ZNF827: variants seen among roughly 807,000 people sequenced by gnomAD.
The protein encoded by ZNF827 is zinc finger protein 827.
ZNF827 carries 13 observed loss-of-function variants against 102.4 expected under a neutral mutation model. That is an observed-to-expected ratio of 0.13 (90% CI 0.08 to 0.20). The LOEUF is 0.20. Ranked by LOEUF, ZNF827 falls within the 10% of genes least tolerant of loss-of-function variation. The pLI is 1.00. For synonymous variants in ZNF827, 523 were observed against 536.2 expected (o/e 0.98, Z 0.34); for missense variants, 1,103 against 1,344.4 (o/e 0.82, Z 2.81).
chr4:145,787,464 G>GAAAA (rs35041321), intron 8 of ZNF827, among the ~76,000 whole-genome samples: 1 of 83,214 alleles, frequency 1.2e-5, no homozygotes, highest in Non-Finnish European at 2.4e-5. Context: ...TCCGTCTCAG[G>GAAAA]AAAAAAAAAA....
chr4:145,765,830 C>A lies in ZNF827; in HGVS notation c.2861-92G>T. ...GGTGACGAGTTGAGTCTCATGGATGCATCATCATTCTGGGGGCACAGGCTC... is the reference window on the plus strand; with the variant it reads ...GGTGACGAGTTGAGTCTCATGGATGAATCATCATTCTGGGGGCACAGGCTC... On this transcript the variant is annotated intron_variant, in intron 11 of 14. Coordinates refer to ENST00000508784, the MANE Select transcript of ZNF827 (RefSeq NM_001306215.2). The surrounding 1 kb of genome is among the most constrained non-coding windows in gnomAD (Gnocchi z 4.7). The A allele has an allele frequency of 7.6e-7, 1 of 1,310,196 alleles. No homozygotes were observed. Among genetic ancestry groups the A allele is most frequent in the Non-Finnish European group, 1.0e-6 (1 of 954,794 alleles). The allele number at this position is 1,310,196 out of a possible 1,614,324, so 81.2% of individuals were successfully genotyped here.
intron 7 of ZNF827, among the ~76,000 whole-genome samples, chr4:145,843,462 A>AATC (rs1219246827): frequency 6.6e-6 from 1 of 152,184 alleles, no homozygotes; most frequent in Non-Finnish European, 1.5e-5. Flanking sequence ...TCTATCCTAT[A>AATC]ATCATGCTTC....
At chr4:145,929,506 AG>A (rs1419597141) in intron 1 of ZNF827, among the ~76,000 whole-genome samples, 6 of 152,352 alleles carry the variant, frequency 3.9e-5, no homozygotes, top group Admixed American at 1.3e-4. Context: ...TCATATAAAC[AG>A]AGAAACTCAT....
At chr4:145,815,027 C>T (rs944443730) in intron 8 of ZNF827, among the ~76,000 whole-genome samples, 1 of 152,142 alleles carries the variant, frequency 6.6e-6, no homozygotes, top group Admixed American at 6.5e-5. Flanking sequence ...CAAATGGTGT[C>T]CAAACTTATG....
At chr4:145,844,393 G>A (rs940603696) in intron 7 of ZNF827, among the ~76,000 whole-genome samples, 1 of 151,416 alleles carries the variant, frequency 6.6e-6, no homozygotes, top group African/African-American at 2.4e-5. Context: ...TATAAACCCA[G>A]TGTGAGCGAA....
intron 5 of ZNF827, among the ~76,000 whole-genome samples, chr4:145,863,972 T>C (rs376741539): frequency 9.3e-4 from 141 of 152,190 alleles, no homozygotes; most frequent in South Asian, 4.4e-3. Flanking sequence ...GGTGGGCAGA[T>C]TGTCTGAGCT....
In ZNF827 at chr4:145,902,818, G is replaced by A. The variant is rs369114633; in HGVS notation, c.441C>T (p.Pro147=). 93 of 1,614,138 alleles carry A rather than the reference G, an allele frequency of 5.8e-5. No individual in the cohort carries two copies. The Admixed American group carries it at 6.0e-4, about 10-fold the overall frequency. The change falls in exon 2 of 15, where the codon CCC becomes CCT. Residue 147 remains proline (P), a synonymous_variant. Transcript: ENST00000508784. The surrounding 1 kb of genome is among the most constrained non-coding windows in gnomAD (Gnocchi z 4.3). ...AATANGRVES[P]VNVGSNLSFS... The stretch of plus-strand genomic sequence containing the variant: ...AGGAGAGGTTCGAGCCAACGTTTAC[G>A]GGGGACTCCACTCTGCCATTAGCCG...
intron 11 of ZNF827, among the ~76,000 whole-genome samples, chr4:145,767,698 C>T (rs956194481): frequency 2.6e-5 from 4 of 152,152 alleles, no homozygotes. Context: ...AGTAAGAAGA[C>T]TGTAAAGCAA....
At chr4:145,918,691 G>A (rs1752859233) in intron 1 of ZNF827, among the ~76,000 whole-genome samples, 2 of 152,126 alleles carry the variant, frequency 1.3e-5, no homozygotes, top group South Asian at 4.2e-4. Context: ...TCTCGGGCAA[G>A]GTTGGGCTCT....
chr4:145,899,947 G>C lies in ZNF827; in HGVS notation c.1093+2219C>G, dbSNP rs541911713. On this transcript the variant is annotated intron_variant, in intron 2 of 14. Coordinates refer to ENST00000508784, the MANE Select transcript of ZNF827 (RefSeq NM_001306215.2). ...TATAATAAATATAGTAAAAAGCAAA[G>C]TAAGAAACGATTTCTTATAGATCTC... Among the ~76,000 whole-genome samples, 4 of 152,252 alleles carry C rather than the reference G, an allele frequency of 2.6e-5. No homozygotes were observed. In the East Asian group the frequency reaches 7.7e-4, roughly 29 times the overall value.
chr4:145,822,034 A>T (rs1014576480), intron 8 of ZNF827, among the ~76,000 whole-genome samples: 1 of 152,182 alleles, frequency 6.6e-6, no homozygotes, highest in Non-Finnish European at 1.5e-5. Context: ...GCAGGGCAAT[A>T]ATTTTGGGAC....
intron 6 of ZNF827, 62 bp downstream of exon 6, chr4:145,849,260 T>G (rs2126654721): frequency 1.3e-6 from 2 of 1,560,188 alleles, no homozygotes; most frequent in Non-Finnish European, 8.7e-7. Context: ...AAAAAAACTG[T>G]GTTAGAAGGG....
At chr4:145,819,590 AT>A (rs1742947711) in intron 8 of ZNF827, among the ~76,000 whole-genome samples, 1 of 152,242 alleles carries the variant, frequency 6.6e-6, no homozygotes, top group Non-Finnish European at 1.5e-5. Context: ...AATAAAGTAC[AT>A]TAAATTTCAC....
intron 3 of ZNF827, among the ~76,000 whole-genome samples, 178 bp downstream of exon 3, chr4:145,892,065 G>A (rs184393206): frequency 3.0e-4 from 46 of 152,330 alleles, no homozygotes; most frequent in Non-Finnish European, 5.3e-4. Flanking sequence ...GTTCTTGGCT[G>A]CAAAGTGGAC....
At chr4:145,776,055 T>C in intron 9 of ZNF827, 95 bp from the exon 10 acceptor site, 1 of 1,386,528 alleles carries the variant, frequency 7.2e-7, no homozygotes, top group Admixed American at 1.8e-5. Flanking sequence ...AAGGAAAGAA[T>C]GGTTCAAGTC....
At chr4:145,785,742 C>G (rs1360849198) in intron 8 of ZNF827, among the ~76,000 whole-genome samples, 2 of 152,142 alleles carry the variant, frequency 1.3e-5, no homozygotes, top group Non-Finnish European at 2.9e-5. Flanking sequence ...AGAGACAGAC[C>G]CACGGTGTCA....
At chr4:145,899,619 A>G (rs1751256010) in intron 2 of ZNF827, among the ~76,000 whole-genome samples, 1 of 152,226 alleles carries the variant, frequency 6.6e-6, no homozygotes, top group Non-Finnish European at 1.5e-5. Flanking sequence ...ACGTGGACGT[A>G]TGGAATATTT....
intron 1 of ZNF827, among the ~76,000 whole-genome samples, chr4:145,913,425 CAA>C (rs775706430): frequency 5.5e-5 from 4 of 73,336 alleles, no homozygotes; most frequent in African/African-American, 5.2e-5. Flanking sequence ...GACCCTGTCT[CAA>C]AAAAAAAAAA....
chr4:145,757,637 C>A lies in ZNF827; in HGVS notation c.*3979G>T, dbSNP rs1734051424. The A allele has an allele frequency of 7.0e-6, 1 of 143,192 alleles. No homozygotes were observed. The highest frequency in any genetic ancestry group is 2.5e-5 in the African/African-American group (1 of 39,238). The allele number at this position is 143,192 out of a possible 1,614,324, so 8.9% of individuals were successfully genotyped here. A position where few individuals can be genotyped will look rare whatever the true frequency, so the allele number is the denominator to read the frequency against. On this transcript the variant is annotated 3_prime_UTR_variant, in exon 15 of 15. Coordinates refer to ENST00000508784, the MANE Select transcript of ZNF827 (RefSeq NM_001306215.2). ...AAAAAGAAACAAGAGTATAGCCAAC[C>A]TTTTTTTTTTTTTAATTAGAGTATA...
Sources: allele counts gnomAD v4.1 joint callset (sites outside exome capture counted in the v4.1 genomes callset), GRCh38; gene constraint gnomAD v4.1.1; non-coding constraint Gnocchi (gnomAD v3.1); transcripts MANE v1.5; gene names NCBI Gene and HGNC (gene_info 2026-07-23, HGNC 2026-07-21).